Variants in UBTD1 observed in about 807,000 individuals in gnomAD.
The protein encoded by UBTD1 is ubiquitin domain-containing protein 1.
In UBTD1, 19 loss-of-function variants were observed where a neutral mutation model predicts 21.7. The ratio of observed to expected loss-of-function variants is 0.87; its 90% CI spans 0.61 to 1.28. UBTD1 has a LOEUF of 1.28. Among genes scored for constraint, UBTD1 ranks in the 50% most tolerant of loss-of-function variants. The pLI is 0.00. For missense variants in UBTD1, 282 were observed against 315.1 expected, an observed-to-expected ratio of 0.89 and a Z score of 0.80; for synonymous variants, 116 against 135.1, an observed-to-expected ratio of 0.86 and a Z score of 0.98.
chr10:97,528,023 G>A (rs1008898551), intron 1 of UBTD1, among the ~76,000 whole-genome samples: 3 of 150,506 alleles, frequency 2.0e-5, no homozygotes, highest in African/African-American at 7.3e-5. Context: ...AGTAGAGGCG[G>A]CCGGGCAGAG....
At chr10:97,504,428 C>T (rs896478120) in intron 1 of UBTD1, among the ~76,000 whole-genome samples, 5 of 152,190 alleles carry the variant, frequency 3.3e-5, no homozygotes, top group Admixed American at 6.5e-5. Context: ...TCTCCATCAC[C>T]TTGTTCAACC....
intron 1 of UBTD1, among the ~76,000 whole-genome samples, chr10:97,512,253 A>G (rs977631699): frequency 3.9e-5 from 6 of 152,168 alleles, no homozygotes; most frequent in African/African-American, 1.4e-4. Flanking sequence ...CAGAGAGCCA[A>G]GGGTCCAGGG....
Position 97,498,947 on chromosome 10 carries a change from G to C in UBTD1, c.-257G>C. On this transcript the variant is annotated 5_prime_UTR_variant, in exon 1 of 3. Transcript: ENST00000370664. ...CTCTCTCCGCCCCTCCAGCGGAGCT[G>C]GTCTCCGGCCGGGCACCGTCGCGGG... is the stretch of plus-strand genomic sequence containing the variant. 2.3e-6 allele frequency: 1 copy of C among 436,354 alleles called. No homozygotes were observed. The highest frequency in any genetic ancestry group is 4.8e-5 in the South Asian group (1 of 20,750). 27.0% of individuals were successfully genotyped at this position (436,354 alleles called of 1,614,324 possible).
chr10:97,558,990 C>G (rs1249321189), intron 1 of UBTD1, among the ~76,000 whole-genome samples: 1 of 152,218 alleles, frequency 6.6e-6, no homozygotes, highest in Non-Finnish European at 1.5e-5. Context: ...AGGTCCACCA[C>G]AATACCACCA....
chr10:97,550,747 G>A (rs907190350), intron 1 of UBTD1, among the ~76,000 whole-genome samples: 1 of 152,058 alleles, frequency 6.6e-6, no homozygotes, highest in East Asian at 1.9e-4. Flanking sequence ...ACACACACAC[G>A]CATACACACT....
chr10:97,499,253 G>T lies in UBTD1; in HGVS notation c.50G>T (p.Gly17Val). 1 of 1,548,772 alleles carries T rather than the reference G, an allele frequency of 6.5e-7. No homozygotes were observed. Among genetic ancestry groups the T allele is most frequent in the Non-Finnish European group, 8.7e-7 (1 of 1,145,862 alleles). ...RQRRERPAAPGHPRKRAGRNE... is the reference protein window; with the variant it reads ...RQRRERPAAPVHPRKRAGRNE... ...CGCCGGGAGAGGCCGGCAGCCCCGGGACACCCCCGCAAGCGAGCAGGTAAC... is the reference window on the plus strand; with the variant it reads ...CGCCGGGAGAGGCCGGCAGCCCCGGTACACCCCCGCAAGCGAGCAGGTAAC... Residue 17 changes from glycine (G) to valine (V), a missense_variant, in exon 1 of 3, where the codon GGA (glycine) becomes GTA (valine). Physicochemically the swap from Gly to Val is moderately radical, Grantham distance 109. Transcript: ENST00000370664.
At chr10:97,503,004 A>C (rs1026779338) in intron 1 of UBTD1, among the ~76,000 whole-genome samples, 1 of 151,566 alleles carries the variant, frequency 6.6e-6, no homozygotes, top group African/African-American at 2.4e-5. Flanking sequence ...GCAGCCTTTA[A>C]CTCCTGAGCT....
intron 1 of UBTD1, among the ~76,000 whole-genome samples, chr10:97,525,142 A>G (rs115077131): frequency 0.011 from 1,699 of 152,344 alleles, 29 homozygotes; most frequent in African/African-American, 0.039. Context: ...CTTGGGAAAC[A>G]TCTGTGTGCC....
intron 1 of UBTD1, among the ~76,000 whole-genome samples, chr10:97,563,075 G>A (rs373488730): frequency 1.1e-4 from 16 of 152,214 alleles, no homozygotes; most frequent in African/African-American, 2.4e-4. Flanking sequence ...AGCATTTGTC[G>A]TATAGAATGA....
chr10:97,552,393 CTTTTTTTTTTT>C (rs60160152), intron 1 of UBTD1, among the ~76,000 whole-genome samples: 1 of 119,860 alleles, frequency 8.3e-6, no homozygotes, highest in African/African-American at 3.3e-5. Context: ...ATTATACACC[CTTTTTTTTTTT>C]TTTTTTTTTG....
Position 97,552,752 on chromosome 10 carries a change from T to C in UBTD1, c.71-15162T>C, listed in dbSNP as rs548248818. The stretch of plus-strand genomic sequence containing the variant: ...AGCTGGAGCACTGTGCGCTTGCTGT[T>C]TGAGACCTTTTTTCACTGTATGGTG... On this transcript the variant is annotated intron_variant, in intron 1 of 2. Transcript: ENST00000370664. 8.6e-4 allele frequency among the ~76,000 whole-genome samples: 131 copies of C among 152,312 alleles called. 2 individuals are homozygous for C. In the South Asian group the frequency reaches 0.016, roughly 19 times the overall value.
At chr10:97,511,856 C>T (rs983357679) in intron 1 of UBTD1, among the ~76,000 whole-genome samples, 1 of 152,180 alleles carries the variant, frequency 6.6e-6, no homozygotes, top group Non-Finnish European at 1.5e-5. Flanking sequence ...ACAGTTTTCA[C>T]ATCTACCCTG....
chr10:97,569,724 G>A (rs569114690), intron 2 of UBTD1, among the ~76,000 whole-genome samples: 9 of 152,240 alleles, frequency 5.9e-5, no homozygotes, highest in Middle Eastern at 6.8e-3. Context: ...GCAGGTGTCC[G>A]TCTTCTTGCT....
intron 1 of UBTD1, among the ~76,000 whole-genome samples, chr10:97,561,816 A>G (rs2040694119): frequency 6.6e-6 from 1 of 152,166 alleles, no homozygotes; most frequent in Non-Finnish European, 1.5e-5. Flanking sequence ...CACGAGCATC[A>G]TTTGTCACAC....
At chr10:97,541,988 G>A (rs564272984) in intron 1 of UBTD1, among the ~76,000 whole-genome samples, 11 of 152,010 alleles carry the variant, frequency 7.2e-5, no homozygotes, top group South Asian at 6.3e-4. Context: ...CACCTGCCTC[G>A]GCCTCCCAAA....
chr10:97,533,289 C>G (rs1344742559), intron 1 of UBTD1, among the ~76,000 whole-genome samples: 1 of 152,198 alleles, frequency 6.6e-6, no homozygotes, highest in African/African-American at 2.4e-5. Flanking sequence ...CCTTCTCCTC[C>G]CCACCCACTG....
At chr10:97,569,415 G>A (rs151172570) in intron 2 of UBTD1, among the ~76,000 whole-genome samples, 1 of 152,314 alleles carries the variant, frequency 6.6e-6, no homozygotes, top group East Asian at 1.9e-4. Context: ...CCTGGCACAT[G>A]TGAAGAAGTG....
At chr10:97,512,387 C>T (rs2040426573) in intron 1 of UBTD1, among the ~76,000 whole-genome samples, 1 of 152,208 alleles carries the variant, frequency 6.6e-6, no homozygotes, top group African/African-American at 2.4e-5. Context: ...TCCACAGAGC[C>T]AAGAGCTCAT....
At position 97,515,118 on chromosome 10, in the gene UBTD1, T is replaced by C. The variant is rs375252853; in HGVS notation, c.70+15845T>C. 5.3e-4 allele frequency among the ~76,000 whole-genome samples: 81 copies of C among 152,342 alleles called. 1 individual carries two copies. Among genetic ancestry groups the C allele is most frequent in the African/African-American group, 1.5e-3 (62 of 41,584 alleles). On this transcript the variant is annotated intron_variant, in intron 1 of 2. Coordinates refer to ENST00000370664, the MANE Select transcript of UBTD1 (RefSeq NM_024954.5). Reference sequence around the variant, plus strand: ...TTGGGGCAGCTAGGCCATAGCACAGTTTGCAGATGCAGTTGGACTTGCTGG... The same window carrying C: ...TTGGGGCAGCTAGGCCATAGCACAGCTTGCAGATGCAGTTGGACTTGCTGG...
Sources: allele counts gnomAD v4.1 joint callset (sites outside exome capture counted in the v4.1 genomes callset), GRCh38; gene constraint gnomAD v4.1.1; transcripts MANE v1.5; gene names NCBI Gene and HGNC (gene_info 2026-07-23, HGNC 2026-07-21).